CDH3: variants seen among roughly 807,000 people sequenced by gnomAD.
The protein encoded by CDH3 is cadherin-3.
CDH3 carries 54 observed loss-of-function variants against 82.0 expected under a neutral mutation model. The ratio of observed to expected loss-of-function variants is 0.66; its 90% CI spans 0.53 to 0.83. The LOEUF is 0.83. Among genes scored for constraint, CDH3 ranks in the 40% least tolerant of loss-of-function variants. The pLI, the probability that CDH3 is intolerant of heterozygous loss-of-function variation, is 0.00. For missense variants in CDH3, 1,054 were observed against 1,084.6 expected (o/e 0.97, Z 0.40); for synonymous variants, 446 against 437.9 (o/e 1.02, Z -0.23).
intron 11 of CDH3, chr16:68,686,712 A>C (rs1450467003): frequency 1.3e-6 from 1 of 745,542 alleles, no homozygotes; most frequent in Non-Finnish European, 2.4e-6. Context: ...GAATGGCATC[A>C]ACGTGAAGCT....
rs868118578 is a variant in CDH3, at chr16:68,687,562, G to A, written c.1621G>A (p.Val541Ile). 11 of 1,613,962 alleles carry A rather than the reference G, an allele frequency of 6.8e-6. No homozygotes were observed. Among genetic ancestry groups the A allele is most frequent in the African/African-American group, 1.3e-5 (1 of 74,890 alleles). The part of the protein sequence containing the change: ...TGTLLLTLID[V>I]NDHGPVPEPR... ...AACCCTTCTGCTAACACTGATTGATGTCAATGACCATGGCCCAGTCCCTGA... is the reference window on the plus strand; with the variant it reads ...AACCCTTCTGCTAACACTGATTGATATCAATGACCATGGCCCAGTCCCTGA... The change falls in exon 12 of 16, where the codon GTC (valine) becomes ATC (isoleucine). Residue 541 changes from valine (V) to isoleucine (I), a missense_variant. Coordinates refer to ENST00000264012, the MANE Select transcript of CDH3 (RefSeq NM_001793.6).
intron 2 of CDH3, chr16:68,651,345 C>G: frequency 1.8e-6 from 1 of 553,684 alleles, no homozygotes; most frequent in Non-Finnish European, 3.7e-6. Context: ...GGCTGATGGT[C>G]GAGTGGTCCA....
chr16:68,729,571 G>T (rs931258698), downstream of CDH3, among the ~76,000 whole-genome samples: 1 of 152,138 alleles, frequency 6.6e-6, no homozygotes, highest in Non-Finnish European at 1.5e-5. Context: ...TAGGTAAAAA[G>T]AGTCTTAAGG....
intron 2 of CDH3, among the ~76,000 whole-genome samples, chr16:68,650,404 G>A (rs1348020668): frequency 9.2e-5 from 14 of 152,218 alleles, no homozygotes; most frequent in Admixed American, 9.2e-4. Context: ...TTCTGGGTTC[G>A]AGTGATTTTT....
chr16:68,680,853 T>C, intron 7 of CDH3, 115 bp from the exon 8 acceptor site: 2 of 1,154,870 alleles, frequency 1.7e-6, no homozygotes, highest in Non-Finnish European at 2.6e-6. Context: ...AGCGTTATGA[T>C]AGGGAGAGAT....
chr16:68,676,349 T>C, intron 2 of CDH3, 36 bp from the exon 3 acceptor site: 2 of 1,487,454 alleles, frequency 1.3e-6, no homozygotes, highest in Non-Finnish European at 1.9e-6. Flanking sequence ...AGAATACTCC[T>C]GCCTTCCTAA....
intron 2 of CDH3, among the ~76,000 whole-genome samples, chr16:68,650,320 T>C (rs1409832984): frequency 1.3e-5 from 2 of 152,162 alleles, no homozygotes; most frequent in Non-Finnish European, 2.9e-5. Context: ...TTTTCTTTTT[T>C]TGAGACGGAG....
rs751641818 is a variant in CDH3, at chr16:68,645,815, C to A, written c.160+65C>A. The A allele has an allele frequency of 7.5e-5, 95 of 1,261,064 alleles. 1 individual carries two copies. The highest frequency in any genetic ancestry group is 1.0e-4 in the Admixed American group (5 of 48,906). The allele number at this position is 1,261,064 out of a possible 1,614,324, so 78.1% of individuals were successfully genotyped here. ...CGTGACCATTTTGGTGTGGACCGCG[C>A]GAGGGGTGTTCGGGCCGGGGCAAGG... On this transcript the variant is annotated intron_variant, in intron 2 of 15. Coordinates refer to ENST00000264012, the MANE Select transcript of CDH3 (RefSeq NM_001793.6).
At chr16:68,687,776 C>T (rs749323013) in intron 12 of CDH3, 40 bp downstream of exon 12, 4 of 1,458,260 alleles carry the variant, frequency 2.7e-6, no homozygotes, top group African/African-American at 1.4e-5. Context: ...GGTGCCAGCC[C>T]CACTGGTGGG....
In CDH3 at chr16:68,669,791, A is replaced by G. The variant is rs548635247; in HGVS notation, c.161-6594A>G. Among the ~76,000 whole-genome samples, 4 of 152,250 alleles carry G rather than the reference A, an allele frequency of 2.6e-5. No homozygotes were observed. In the East Asian group the frequency reaches 7.7e-4, roughly 29 times the overall value. Reference sequence around the variant, plus strand: ...TTGTCTGGTTAGCCCTTTACTGGCTAAAGATCTTCCCTTAGGAAGAGGGCT... The same window carrying G: ...TTGTCTGGTTAGCCCTTTACTGGCTGAAGATCTTCCCTTAGGAAGAGGGCT... On this transcript the variant is annotated intron_variant, in intron 2 of 15. Transcript: ENST00000264012.
chr16:68,673,384 T>C (rs947287150), intron 2 of CDH3, among the ~76,000 whole-genome samples: 3 of 152,190 alleles, frequency 2.0e-5, no homozygotes, highest in Admixed American at 6.5e-5. Flanking sequence ...CCCGAACTTT[T>C]TCATCATCCC....
intron 1 of CDH3, among the ~76,000 whole-genome samples, chr16:68,712,037 CTT>C (rs58452743): frequency 0.068 from 8,150 of 119,346 alleles, 669 homozygotes; most frequent in African/African-American, 0.23. Context: ...TTTTTGTTTT[CTT>C]TTTTTTTTTT....
At chr16:68,705,188 C>G (rs774238545), downstream of CDH3, among the ~76,000 whole-genome samples, 1 of 152,170 alleles carries the variant, frequency 6.6e-6, no homozygotes, top group Non-Finnish European at 1.5e-5. Flanking sequence ...GATATAAACT[C>G]CAGTTGCAGA....
chr16:68,664,122 C>A (rs1285504567), intron 2 of CDH3, among the ~76,000 whole-genome samples: 2 of 152,146 alleles, frequency 1.3e-5, no homozygotes, highest in East Asian at 3.8e-4. Flanking sequence ...GCTCCAGACT[C>A]TGGGCTGCTT....
chr16:68,719,029 G>T (rs1180645450), intron 1 of CDH3, among the ~76,000 whole-genome samples: 1 of 152,068 alleles, frequency 6.6e-6, no homozygotes. Context: ...GATCACCTGA[G>T]GTCAGCAGTT....
In CDH3 at chr16:68,698,885, A is replaced by G. The variant is rs192275133; in HGVS notation, c.*485A>G. ...CTGCATTTCTGGTTTCCAGACCCCA[A>G]TGCCTCCCATTCGGATGGATCTCTG... On this transcript the variant is annotated 3_prime_UTR_variant, in exon 16 of 16. Transcript: ENST00000264012. 591 of 166,774 alleles carry G rather than the reference A, an allele frequency of 3.5e-3. 2 individuals carry two copies. Among genetic ancestry groups the G allele is most frequent in the Non-Finnish European group, 5.8e-3 (444 of 77,124 alleles). The allele number at this position is 166,774 out of a possible 1,614,324, so 10.3% of individuals were successfully genotyped here.
intron 2 of CDH3, among the ~76,000 whole-genome samples, chr16:68,725,033 G>A (rs1185234515): frequency 6.6e-6 from 1 of 152,074 alleles, no homozygotes; most frequent in African/African-American, 2.4e-5. Flanking sequence ...GGAAGCGGGG[G>A]ACAGGAAGCA....
At chr16:68,726,560 C>T (rs9941030) in intron 2 of CDH3, among the ~76,000 whole-genome samples, 1 of 151,056 alleles carries the variant, frequency 6.6e-6, no homozygotes, top group African/African-American at 2.4e-5. Flanking sequence ...CAAATTCCAG[C>T]TCTTTCATTT....
intron 2 of CDH3, among the ~76,000 whole-genome samples, chr16:68,654,020 T>C (rs1002658403): frequency 6.6e-6 from 1 of 151,236 alleles, no homozygotes; most frequent in African/African-American, 2.4e-5. Flanking sequence ...CCCGGCCAAA[T>C]GTCTTGAGAA....
Sources: gnomAD v4.1 joint callset for allele counts (sites outside exome capture counted in the v4.1 genomes callset) on GRCh38, gnomAD v4.1.1 for gene constraint, MANE v1.5 for transcripts, NCBI Gene and HGNC (gene_info 2026-07-23, HGNC 2026-07-21) for gene names.